Variants in ZNF451 observed in about 807,000 individuals in gnomAD.
The protein encoded by ZNF451 is zinc finger protein 451, also known as E3 SUMO-protein ligase ZNF451.
A neutral mutation model predicts 107.1 loss-of-function variants in ZNF451; 80 were observed. The observed-to-expected ratio is 0.75, with a 90% CI of 0.62 to 0.90. The LOEUF is 0.90. Ranked by LOEUF, ZNF451 falls within the 40% of genes least tolerant of loss-of-function variation. The pLI is 0.00. For missense variants in ZNF451, 1,107 were observed against 1,236.2 expected (o/e 0.90, Z 1.57); for synonymous variants, 362 against 406.5 (o/e 0.89, Z 1.32).
chr6:57,148,770 G>A, intron 10 of ZNF451, 77 bp downstream of exon 10: 1 of 1,394,242 alleles, frequency 7.2e-7, no homozygotes, highest in South Asian at 1.5e-5. Context: ...ATTCAATTTT[G>A]AAGCAAGAAA....
intron 3 of ZNF451, chr6:57,104,116 T>C: frequency 7.1e-6 from 7 of 984,914 alleles, no homozygotes; most frequent in Non-Finnish European, 8.4e-6. Flanking sequence ...CTCAAAATTT[T>C]ATTTCCACTT....
chr6:57,145,871 T>G (rs1224876018), intron 9 of ZNF451, among the ~76,000 whole-genome samples: 2 of 152,156 alleles, frequency 1.3e-5, no homozygotes, highest in African/African-American at 4.8e-5. Context: ...TTAAGAAAGC[T>G]CCATATTGTT....
At chr6:57,101,591 T>C (rs1031577878) in intron 3 of ZNF451, 3 of 1,550,886 alleles carry the variant, frequency 1.9e-6, no homozygotes, top group South Asian at 1.2e-5. Context: ...GCTAGCTACA[T>C]GGCCTATATG....
At chr6:57,144,346 T>C (rs2127976575) in intron 9 of ZNF451, among the ~76,000 whole-genome samples, 1 of 151,236 alleles carries the variant, frequency 6.6e-6, no homozygotes, top group South Asian at 2.1e-4. Flanking sequence ...GTTCAAGTGA[T>C]TCTCGTGCCT....
At chr6:57,136,777 T>A (rs9367713) in intron 7 of ZNF451, among the ~76,000 whole-genome samples, 17,855 of 152,162 alleles carry the variant, frequency 0.12, 1,280 homozygotes, top group African/African-American at 0.19. Flanking sequence ...AAAATGAATT[T>A]TTTCACTTAT....
At chr6:57,123,201 C>T (rs992606896) in intron 3 of ZNF451, among the ~76,000 whole-genome samples, 3 of 152,134 alleles carry the variant, frequency 2.0e-5, no homozygotes, top group African/African-American at 7.2e-5. Context: ...ACCAAAAAGA[C>T]ACATGTATGT....
At chr6:57,163,895 A>G (rs1257029745) in intron 14 of ZNF451, among the ~76,000 whole-genome samples, 1 of 152,224 alleles carries the variant, frequency 6.6e-6, no homozygotes, top group Admixed American at 6.5e-5. Flanking sequence ...CAGAAGCAAA[A>G]TAATGTTCTA....
At chr6:57,108,220 GACTA>G (rs1189458934) in intron 3 of ZNF451, 35 of 985,262 alleles carry the variant, frequency 3.6e-5, no homozygotes, top group Non-Finnish European at 4.1e-5. Context: ...CCTTTTGTAA[GACTA>G]ACTTTCATAT....
intron 7 of ZNF451, among the ~76,000 whole-genome samples, chr6:57,139,382 G>C (rs1327322597): frequency 1.3e-5 from 2 of 152,130 alleles, no homozygotes; most frequent in Non-Finnish European, 2.9e-5. Context: ...TACCTCATGG[G>C]ATTATTATGA....
chr6:57,144,344 G>T (rs1038820273), intron 9 of ZNF451, among the ~76,000 whole-genome samples: 9 of 147,740 alleles, frequency 6.1e-5, no homozygotes, highest in Non-Finnish European at 1.2e-4. Flanking sequence ...AAGTTCAAGT[G>T]ATTCTCGTGC....
rs573047561 is a variant in ZNF451, at chr6:57,124,315, G to A, written c.187-419G>A. 117 of 667,294 alleles carry A rather than the reference G, an allele frequency of 1.8e-4. 1 individual carries two copies. The highest frequency in any genetic ancestry group is 1.5e-4 in the Non-Finnish European group (55 of 369,608). The allele number at this position is 667,294 out of a possible 1,614,324, so 41.3% of individuals were successfully genotyped here. On this transcript the variant is annotated intron_variant, in intron 3 of 14. Transcript: ENST00000370706. ...CCTGGAGTTTTTAACTCTCAGGCTC[G>A]TCCACGCTAAGCATCCATTAGAGTT...
intron 9 of ZNF451, among the ~76,000 whole-genome samples, chr6:57,144,234 CTTTTTTTTTTTTTTT>C (rs57250829): frequency 2.6e-5 from 3 of 114,802 alleles, no homozygotes; most frequent in Non-Finnish European, 5.2e-5. Flanking sequence ...GAATTATATC[CTTTTTTTTTTTTTTT>C]TTTTTTTTAA....
chr6:57,120,384 T>C (rs1184893216), intron 3 of ZNF451, among the ~76,000 whole-genome samples: 1 of 152,240 alleles, frequency 6.6e-6, no homozygotes, highest in Non-Finnish European at 1.5e-5. Flanking sequence ...TAAACAGCTG[T>C]GTGCAGGTTC....
chr6:57,125,207 T>C (rs899281821), intron 4 of ZNF451, among the ~76,000 whole-genome samples: 1 of 152,202 alleles, frequency 6.6e-6, no homozygotes, highest in Non-Finnish European at 1.5e-5. Flanking sequence ...TATAAGCTGT[T>C]GAAAGATTAT....
intron 3 of ZNF451, chr6:57,099,547 T>C (rs1562587950): frequency 7.0e-6 from 5 of 715,876 alleles, no homozygotes; most frequent in East Asian, 2.7e-5. Flanking sequence ...AAAAAGGATA[T>C]GTAGAGATCC....
intron 13 of ZNF451, chr6:57,159,330 G>C (rs965504981): frequency 3.0e-6 from 3 of 985,214 alleles, no homozygotes; most frequent in Admixed American, 6.2e-5. Flanking sequence ...GAATTGTTTG[G>C]ATGAGTTATA....
chr6:57,161,103 C>T lies in ZNF451; in HGVS notation c.3090C>T (p.Asn1030=), dbSNP rs181673882. 2.3e-5 allele frequency: 36 copies of T among 1,562,742 alleles called. No homozygotes were observed. The highest frequency in any genetic ancestry group is 3.4e-4 in the Middle Eastern group (2 of 5,860). ...DTTKECDSDD[N]MGAKNTSIGE... ...TTACAGAATGTGACAGTGATGATAA[C>T]ATGGGTGCCAAAAATACTTCAATAG... is the stretch of plus-strand genomic sequence containing the variant. The change falls in exon 14 of 15, where the codon AAC becomes AAT. Residue 1030 remains asparagine (N), a synonymous_variant. Coordinates refer to ENST00000370706, the MANE Select transcript of ZNF451 (RefSeq NM_001031623.3).
rs1423792244 is a variant in ZNF451 at position 57,148,510 on chromosome 6, C to T, written c.2425C>T (p.His809Tyr). The change falls in exon 10 of 15, where the codon CAT becomes TAT. Residue 809 changes from histidine (H) to tyrosine (Y), a missense_variant. By Grantham distance (83) the His-to-Tyr change is moderately conservative (BLOSUM62 2). Around this residue, in one of 5 missense-constraint regions of ZNF451, gnomAD observed 608 missense variants for 649.2 expected, o/e 0.94. Transcript: ENST00000370706. The stretch of plus-strand genomic sequence containing the variant: ...TCCTGAGAGTGCACAGCAGCATTTC[C>T]ATAGAAAACATTGCTTCTTACAGAA... The part of the protein sequence containing the change: ...HDPESAQQHF[H>Y]RKHCFLQKPS... 2.5e-6 allele frequency: 4 copies of T among 1,613,940 alleles called. No individual in the cohort carries two copies. The highest frequency in any genetic ancestry group is 1.7e-5 in the Admixed American group (1 of 59,986).
rs1325083668 is a variant in ZNF451 at position 57,153,989 on chromosome 6, C to T, written c.3012C>T (p.His1004=). 18 of 1,614,014 alleles carry T rather than the reference C, an allele frequency of 1.1e-5. No homozygotes were observed. The highest frequency in any genetic ancestry group is 1.7e-5 in the Admixed American group (1 of 60,000). ...TQRPAHILNP[H]HLEGDMMCAL... ...GGCCAGCTCATATACTAAACCCTCA[C>T]CACTTAGAGGGAGATATGATGTGTG... Residue 1004 remains histidine, a synonymous_variant, in exon 13 of 15, where the codon CAC becomes CAT. Coordinates refer to ENST00000370706, the MANE Select transcript of ZNF451 (RefSeq NM_001031623.3).
Sources: allele counts gnomAD v4.1 joint callset (sites outside exome capture counted in the v4.1 genomes callset), GRCh38; gene constraint gnomAD v4.1.1; regional missense constraint gnomAD v4.1.1; transcripts MANE v1.5; gene names NCBI Gene and HGNC (gene_info 2026-07-23, HGNC 2026-07-21).